Variants in PKD1L1 observed in about 807,000 individuals in gnomAD.
PKD1L1 encodes polycystin 1 like 1, transient receptor potential channel interacting.
Under a neutral mutation model 323.4 loss-of-function variants are expected in PKD1L1, and 236 were observed. The observed-to-expected ratio is 0.73, with a 90% confidence interval of 0.66 to 0.81. The LOEUF (loss-of-function observed/expected upper bound fraction) is 0.81, where lower values mean the gene tolerates loss of function less well. Among genes scored for constraint, PKD1L1 ranks in the 40% least tolerant of loss-of-function variants. The probability of loss-of-function intolerance (pLI) is 0.00; values close to 1 mark genes in which losing one functional copy is unlikely to be tolerated. For synonymous variants in PKD1L1, 1,344 were observed against 1,335.0 expected (o/e 1.01, Z -0.15); for missense variants, 3,320 against 3,508.0 (o/e 0.95, Z 1.35).
chr7:47,888,318 T>C lies in PKD1L1; in HGVS notation c.2676-168A>G, dbSNP rs553737274. 2.8e-3 allele frequency among the ~76,000 whole-genome samples: 422 copies of C among 152,352 alleles called. 4 individuals carry two copies. Among genetic ancestry groups the C allele is most frequent in the African/African-American group, 9.6e-3 (398 of 41,574 alleles). ...ATGGCACATATGGAGTGGCCAACACTGTGCCAAGCTCGACACTCACGTGAT... is the reference window on the plus strand; with the variant it reads ...ATGGCACATATGGAGTGGCCAACACCGTGCCAAGCTCGACACTCACGTGAT... On this transcript the variant is annotated intron_variant, in intron 16 of 56. Transcript: ENST00000289672.
chr7:47,837,154 A>C, intron 36 of PKD1L1, 60 bp from the exon 37 acceptor site: 2 of 1,567,364 alleles, frequency 1.3e-6, no homozygotes, highest in Middle Eastern at 1.7e-4. Flanking sequence ...AGCAAAGCAA[A>C]GTACTGTTAA....
chr7:47,915,024 CAT>C (rs1787398515), intron 8 of PKD1L1, among the ~76,000 whole-genome samples: 1 of 152,210 alleles, frequency 6.6e-6, no homozygotes, highest in Non-Finnish European at 1.5e-5. Flanking sequence ...TATCATGCTA[CAT>C]TAAAACTAGA....
At position 47,839,349 on chromosome 7, in the gene PKD1L1, G is replaced by C. The variant is rs1339037763; in HGVS notation, c.5769+97C>G. Reference sequence around the variant, plus strand: ...GAAAAGAGGAATACACTTTAGAAGAGTTCAAAGACACAACTGTGGCAAGCG... The same window carrying C: ...GAAAAGAGGAATACACTTTAGAAGACTTCAAAGACACAACTGTGGCAAGCG... On this transcript the variant is annotated intron_variant, in intron 36 of 56. Coordinates refer to ENST00000289672, the MANE Select transcript of PKD1L1 (RefSeq NM_138295.5). The surrounding 1 kb of genome is among the most constrained non-coding windows in gnomAD (Gnocchi z 4.3). The C allele has an allele frequency of 1.1e-6, 1 of 939,654 alleles. No individual in the cohort carries two copies. Among genetic ancestry groups the C allele is most frequent in the Non-Finnish European group, 1.6e-6 (1 of 622,536 alleles). 58.2% of individuals were successfully genotyped at this position (939,654 alleles called of 1,614,324 possible). A position where few individuals can be genotyped will look rare whatever the true frequency, so the allele number is the denominator to read the frequency against.
At chr7:47,922,562 G>A (rs1436576170) in intron 7 of PKD1L1, among the ~76,000 whole-genome samples, 3 of 150,400 alleles carry the variant, frequency 2.0e-5, no homozygotes, top group African/African-American at 7.4e-5. Context: ...GCCAGGCCGC[G>A]ACCCCGTCTG....
intron 54 of PKD1L1, among the ~76,000 whole-genome samples, chr7:47,799,106 C>T (rs1784606747): frequency 6.6e-6 from 1 of 152,176 alleles, no homozygotes; most frequent in East Asian, 1.9e-4. Flanking sequence ...CTTTGTTTCG[C>T]CATTGCCTGA....
chr7:47,864,608 CTTTCTTTCTTTCTTTCTTTCTTTCT>C (rs1786112748), intron 26 of PKD1L1, among the ~76,000 whole-genome samples: 10 of 133,960 alleles, frequency 7.5e-5, no homozygotes, highest in African/African-American at 3.1e-4. Flanking sequence ...TTCTTTCTTT[CTTTCTTTCTTTCTTTCTTTCTTTCT>C]TTCCTTCCTT....
At chr7:47,829,746 C>A (rs1024835905) in intron 43 of PKD1L1, 145 bp from the exon 44 acceptor site, 1 of 910,320 alleles carries the variant, frequency 1.1e-6, no homozygotes, top group Non-Finnish European at 1.6e-6. Context: ...GGATTCCCAG[C>A]CCAACTACTC....
intron 26 of PKD1L1, among the ~76,000 whole-genome samples, chr7:47,861,897 A>G (rs1194162820): frequency 6.9e-6 from 1 of 144,704 alleles, no homozygotes; most frequent in African/African-American, 2.6e-5. Context: ...AAAAAAAAAA[A>G]AAAAAAAAAC....
At chr7:47,920,295 A>AAAC (rs1468350590) in intron 7 of PKD1L1, among the ~76,000 whole-genome samples, 2 of 101,502 alleles carry the variant, frequency 2.0e-5, no homozygotes, top group Non-Finnish European at 3.9e-5. Context: ...AAACAAACAA[A>AAAC]AACAAAAAAA....
At chr7:47,822,953 CT>C (rs34162840) in intron 45 of PKD1L1, among the ~76,000 whole-genome samples, 23,001 of 146,772 alleles carry the variant, frequency 0.16, 1,964 homozygotes, top group African/African-American at 0.21. Context: ...TTCCAGAACC[CT>C]TTTTTTTTTT....
intron 42 of PKD1L1, among the ~76,000 whole-genome samples, chr7:47,830,563 T>A (rs1266317034): frequency 6.6e-6 from 1 of 152,180 alleles, no homozygotes; most frequent in Non-Finnish European, 1.5e-5. Flanking sequence ...CTCTCTGATG[T>A]TCCTATTTTA....
intron 52 of PKD1L1, 134 bp downstream of exon 52, chr7:47,808,113 C>T (rs942941049): frequency 8.6e-7 from 1 of 1,164,874 alleles, no homozygotes; most frequent in African/African-American, 1.5e-5. Flanking sequence ...TCCCATCTGC[C>T]AGCTCAGAGC....
intron 2 of PKD1L1, among the ~76,000 whole-genome samples, chr7:47,941,720 TTC>T (rs759646583): frequency 3.9e-5 from 6 of 152,128 alleles, no homozygotes; most frequent in African/African-American, 7.2e-5. Flanking sequence ...TAGAAAATGT[TTC>T]GGAATAAGCT....
chr7:47,835,486 C>T (rs541460286), intron 37 of PKD1L1, among the ~76,000 whole-genome samples: 1 of 152,150 alleles, frequency 6.6e-6, no homozygotes, highest in Admixed American at 6.5e-5. Context: ...CTGCGACCTC[C>T]GCCTCCCGGG....
the PKD1L1 span, among the ~76,000 whole-genome samples, chr7:47,956,426 A>G: frequency 6.6e-6 from 1 of 152,190 alleles, no homozygotes; most frequent in Non-Finnish European, 1.5e-5. Context: ...TGGGGCTCAC[A>G]GCAGTCAACA....
chr7:47,812,116 T>C, intron 49 of PKD1L1, 65 bp from the exon 50 acceptor site: 1 of 1,358,780 alleles, frequency 7.4e-7, no homozygotes, highest in Non-Finnish European at 1.0e-6. Context: ...CTACTGAGGC[T>C]CCCAGCTGCA....
At position 47,845,093 on chromosome 7, in the gene PKD1L1, C is replaced by T. The variant is rs773069974; in HGVS notation, c.5154-15G>A. The T allele has an allele frequency of 1.7e-5, 27 of 1,607,448 alleles. No homozygotes were observed. The highest frequency in any genetic ancestry group is 5.5e-5 in the South Asian group (5 of 90,484). On this transcript the variant is annotated splice_polypyrimidine_tract_variant and intron_variant, in intron 32 of 56. Transcript: ENST00000289672. ...GGCGATGGTAGCTAGGAGGGAAATG[C>T]GGATGAGGATACAGAATGTGTGGAG...
chr7:47,825,074 T>G (rs561347942), intron 45 of PKD1L1, among the ~76,000 whole-genome samples: 2 of 152,336 alleles, frequency 1.3e-5, no homozygotes, highest in East Asian at 3.9e-4. Flanking sequence ...AAATGCTCTA[T>G]TTGACATAGC....
At chr7:47,883,278 A>G (rs926380928) in intron 19 of PKD1L1, among the ~76,000 whole-genome samples, 29 of 152,270 alleles carry the variant, frequency 1.9e-4, no homozygotes, top group Middle Eastern at 3.4e-3. Flanking sequence ...ACTCTTAGAG[A>G]TTACAAAAGG....
Sources: allele counts gnomAD v4.1 joint callset (sites outside exome capture counted in the v4.1 genomes callset), GRCh38; gene constraint gnomAD v4.1.1; non-coding constraint Gnocchi (gnomAD v3.1); transcripts MANE v1.5; gene names NCBI Gene and HGNC (gene_info 2026-07-23, HGNC 2026-07-21).